Variants in NIBAN2 observed in about 807,000 individuals in gnomAD.
NIBAN2 encodes the protein protein Niban 2.
A neutral mutation model predicts 81.8 loss-of-function variants in NIBAN2; 36 were observed. That is an observed-to-expected ratio of 0.44 (90% CI 0.34 to 0.58). The LOEUF (loss-of-function observed/expected upper bound fraction) is 0.58. Among genes scored for constraint, NIBAN2 ranks in the 20% least tolerant of loss-of-function variants. The pLI, the probability that NIBAN2 is intolerant of heterozygous loss-of-function variation, is 0.02. For synonymous variants in NIBAN2, 445 were observed against 441.6 expected (o/e 1.01, Z -0.10); for missense variants, 897 against 1,014.1 (o/e 0.88, Z 1.57).
chr9:127,539,051 T>C (rs754508216), intron 1 of NIBAN2, among the ~76,000 whole-genome samples: 1 of 151,718 alleles, frequency 6.6e-6, no homozygotes, highest in African/African-American at 2.4e-5. Flanking sequence ...GGACATCTCA[T>C]AGTAAGAAAA....
chr9:127,510,304 C>G lies in NIBAN2; in HGVS notation c.1003G>C (p.Val335Leu). ...AFILPKAEVC[V>L]RNHVQPYIPS... ...ATGTAGGGCTGGACATGGTTCCGCA[C>G]GCACACCTCTGCCTTGGGGAGGATG... Residue 335 changes from valine to leucine, a missense_variant, in exon 9 of 14, where the codon GTG becomes CTG. This residue lies in a region of NIBAN2 where 619 missense variants were observed against 691.0 expected (regional missense o/e 0.90). Coordinates refer to ENST00000373312, the MANE Select transcript of NIBAN2 (RefSeq NM_022833.4). 1 of 1,613,336 alleles carries G rather than the reference C, an allele frequency of 6.2e-7. No individual in the cohort carries two copies. The highest frequency in any genetic ancestry group is 8.5e-7 in the Non-Finnish European group (1 of 1,179,404).
At chr9:127,557,483 AGGGCGG>A (rs1837693258) in intron 1 of NIBAN2, among the ~76,000 whole-genome samples, 1 of 135,850 alleles carries the variant, frequency 7.4e-6, no homozygotes, top group South Asian at 2.7e-4. Flanking sequence ...GAGGGGAGGG[AGGGCGG>A]GGGCTCAGCC....
intron 1 of NIBAN2, among the ~76,000 whole-genome samples, chr9:127,557,861 C>T (rs756704764): frequency 3.3e-5 from 5 of 152,198 alleles, no homozygotes; most frequent in Non-Finnish European, 5.9e-5. Context: ...CTTTCCCCAT[C>T]CTGCCACCCT....
In NIBAN2 at chr9:127,550,362, T is replaced by C. The variant is rs1297891043; in HGVS notation, c.55+18458A>G. On this transcript the variant is annotated intron_variant, in intron 1 of 13. Transcript: ENST00000373312. ...CTGAGTCCTAACTGCCAGCCTAGGG[T>C]GCTGAAAAGCACTGTCCCTGACTGT... 3.9e-5 allele frequency among the ~76,000 whole-genome samples: 6 copies of C among 152,160 alleles called. No individual in the cohort carries two copies. In the South Asian group the frequency reaches 1.2e-3, roughly 32 times the overall value.
chr9:127,523,184 AAAAAAAAAATATAT>A (rs1836978559), intron 5 of NIBAN2, among the ~76,000 whole-genome samples: 1 of 35,816 alleles, frequency 2.8e-5, no homozygotes. Context: ...AAAAAAAAAA[AAAAAAAAAATATAT>A]ATATATATAT....
Position 127,508,499 on chromosome 9 carries a change from G to A in NIBAN2, c.1357C>T (p.His453Tyr), listed in dbSNP as rs781029894. Reference sequence around the variant, plus strand: ...GTGGGCCCCTTCCCCAGCTCCTGGTGCAGGAGGGTCTCGAACGTATACACG... The same window carrying A: ...GTGGGCCCCTTCCCCAGCTCCTGGTACAGGAGGGTCTCGAACGTATACACG... ...NAVYTFETLLHQELGKGPTKE... is the reference protein window; with the variant it reads ...NAVYTFETLLYQELGKGPTKE... The change falls in exon 11 of 14, where the codon CAC becomes TAC. Residue 453 changes from histidine to tyrosine, a missense_variant. Transcript: ENST00000373312. This position sits in a 1 kb window ranked among gnomAD's most constrained non-coding sequence, Gnocchi z 6.4. 16 of 1,613,824 alleles carry A rather than the reference G, an allele frequency of 9.9e-6. No individual in the cohort carries two copies. The highest frequency in any genetic ancestry group is 1.4e-5 in the Non-Finnish European group (16 of 1,180,000).
upstream of NIBAN2, among the ~76,000 whole-genome samples, chr9:127,571,542 A>G (rs926486504): frequency 6.6e-6 from 1 of 152,144 alleles, no homozygotes; most frequent in African/African-American, 2.4e-5. Context: ...TTAAAAATGC[A>G]AAAATTAGCT....
intron 1 of NIBAN2, among the ~76,000 whole-genome samples, chr9:127,544,693 G>A (rs987883388): frequency 3.3e-5 from 5 of 152,048 alleles, no homozygotes; most frequent in East Asian, 1.9e-4. Context: ...TAGTAGAGAC[G>A]GGGTTTCACC....
At chr9:127,546,297 A>C (rs895711517) in intron 1 of NIBAN2, among the ~76,000 whole-genome samples, 3 of 152,200 alleles carry the variant, frequency 2.0e-5, no homozygotes, top group African/African-American at 7.2e-5. Flanking sequence ...CAGGCCCCAG[A>C]GGAGCATCCC....
chr9:127,537,413 T>G (rs377013161), intron 1 of NIBAN2, among the ~76,000 whole-genome samples: 11 of 152,340 alleles, frequency 7.2e-5, no homozygotes, highest in African/African-American at 2.4e-4. Context: ...CAGTATAACT[T>G]TTATAGTTTG....
chr9:127,536,065 A>G lies in NIBAN2; in HGVS notation c.56-4287T>C, dbSNP rs1049256006. On this transcript the variant is annotated intron_variant, in intron 1 of 13. Coordinates refer to ENST00000373312, the MANE Select transcript of NIBAN2 (RefSeq NM_022833.4). This position sits in a 1 kb window ranked among gnomAD's most constrained non-coding sequence, Gnocchi z 4.0. Reference sequence around the variant, plus strand: ...ACCACGGGAGAGCTAGAAAGGGAGGACCATGGGAAACAGGGCCACGGATGG... The same window carrying G: ...ACCACGGGAGAGCTAGAAAGGGAGGGCCATGGGAAACAGGGCCACGGATGG... Among the ~76,000 whole-genome samples, 1 of 152,056 alleles carries G rather than the reference A, an allele frequency of 6.6e-6. No homozygotes were observed. The highest frequency in any genetic ancestry group is 1.5e-5 in the Non-Finnish European group (1 of 68,012).
At chr9:127,543,365 G>T (rs1837416426) in intron 1 of NIBAN2, among the ~76,000 whole-genome samples, 1 of 152,172 alleles carries the variant, frequency 6.6e-6, no homozygotes, top group South Asian at 2.1e-4. Flanking sequence ...AGGCTGGAAG[G>T]TCCAGGGCCT....
chr9:127,514,130 G>T (rs952953139), intron 8 of NIBAN2, among the ~76,000 whole-genome samples: 2 of 151,998 alleles, frequency 1.3e-5, no homozygotes, highest in African/African-American at 4.8e-5. Flanking sequence ...TTAGCCGGGC[G>T]TGGTGGTATG....
chr9:127,553,536 T>C (rs1023608480), intron 1 of NIBAN2, among the ~76,000 whole-genome samples: 4 of 152,174 alleles, frequency 2.6e-5, no homozygotes, highest in African/African-American at 4.8e-5. Context: ...GCTGCAACCA[T>C]CCCTGTGCTA....
At chr9:127,566,514 C>T (rs913374828) in intron 1 of NIBAN2, among the ~76,000 whole-genome samples, 4 of 152,182 alleles carry the variant, frequency 2.6e-5, no homozygotes, top group South Asian at 2.1e-4. Flanking sequence ...AAAACAGCAC[C>T]GTGGCCGGGA....
At chr9:127,556,944 G>A (rs924945636) in intron 1 of NIBAN2, among the ~76,000 whole-genome samples, 5 of 152,180 alleles carry the variant, frequency 3.3e-5, no homozygotes, top group African/African-American at 1.2e-4. Flanking sequence ...CCATGTGGTG[G>A]TGCACACCTG....
At position 127,508,686 on chromosome 9, in the gene NIBAN2, C is replaced by A; in HGVS notation, c.1318-148G>T. The stretch of plus-strand genomic sequence containing the variant: ...AAGCGGTCTATGCCCACTCACAGCT[C>A]TGCACGCTGGAGCAAGTCCCTGCCT... On this transcript the variant is annotated intron_variant, in intron 10 of 13. Transcript: ENST00000373312. This position sits in a 1 kb window ranked among gnomAD's most constrained non-coding sequence, Gnocchi z 6.4. The A allele has an allele frequency of 1.3e-6, 1 of 766,548 alleles. No individual in the cohort carries two copies. The highest frequency in any genetic ancestry group is 2.5e-5 in the East Asian group (1 of 40,750). The allele number at this position is 766,548 out of a possible 1,614,324, so 47.5% of individuals were successfully genotyped here.
chr9:127,512,201 A>T (rs1475736237), intron 8 of NIBAN2, among the ~76,000 whole-genome samples: 1 of 151,900 alleles, frequency 6.6e-6, no homozygotes, highest in Non-Finnish European at 1.5e-5. Flanking sequence ...TCTTCCTATG[A>T]CCTGGAAGCC....
rs375792724 is a variant in NIBAN2 at position 127,527,175 on chromosome 9, G to A, written c.315+19C>T. The A allele has an allele frequency of 1.1e-4, 184 of 1,610,782 alleles. No individual in the cohort carries two copies. Among genetic ancestry groups the A allele is most frequent in the Admixed American group, 2.3e-4 (14 of 60,002 alleles). On this transcript the variant is annotated intron_variant, in intron 3 of 13. Transcript: ENST00000373312. ...AGAAAGCGGGGAGGCTCAGTGTGGC[G>A]CCCGGGGCCAGGCCTCACCGCTTTG...
Sources: allele counts gnomAD v4.1 joint callset (sites outside exome capture counted in the v4.1 genomes callset), GRCh38; gene constraint gnomAD v4.1.1; regional missense constraint gnomAD v4.1.1; non-coding constraint Gnocchi (gnomAD v3.1); transcripts MANE v1.5; gene names NCBI Gene and HGNC (gene_info 2026-07-23, HGNC 2026-07-21).